ROBO1: variants seen among roughly 807,000 people sequenced by gnomAD.
The protein encoded by ROBO1 is roundabout guidance receptor 1.
ROBO1 carries 149 observed loss-of-function variants against 195.9 expected under a neutral mutation model. That is an observed-to-expected ratio of 0.76 (90% CI 0.67 to 0.87). The LOEUF (loss-of-function observed/expected upper bound fraction) is 0.87, where lower values mean the gene tolerates loss of function less well. ROBO1 is among the 40% of genes least tolerant of loss of function. The pLI is 0.00. For missense variants in ROBO1, 1,933 were observed against 2,068.3 expected, an observed-to-expected ratio of 0.93 and a Z score of 1.27; for synonymous variants, 816 against 733.2, an observed-to-expected ratio of 1.11 and a Z score of -1.82.
rs556780755 is a variant in ROBO1, at chr3:78,998,656, C to T, written c.173-59729G>A. On this transcript the variant is annotated intron_variant, in intron 3 of 30. Coordinates refer to ENST00000464233, the MANE Select transcript of ROBO1 (RefSeq NM_002941.4). The stretch of plus-strand genomic sequence containing the variant: ...GATTGATAGTCACCTGAAATCCCTT[C>T]CTGCTGACTATATTCTATCAGTTCT... Among the ~76,000 whole-genome samples, 24 of 152,174 alleles carry T rather than the reference C, an allele frequency of 1.6e-4. 1 individual carries two copies. The South Asian group carries it at 5.0e-3, about 32-fold the overall frequency.
chr3:79,694,141 A>G (rs1305034662), intron 1 of ROBO1, among the ~76,000 whole-genome samples: 1 of 151,836 alleles, frequency 6.6e-6, no homozygotes, highest in Non-Finnish European at 1.5e-5. Context: ...GTCTTCAGGA[A>G]AAAACAACAA....
chr3:79,273,205 C>A (rs767033534), intron 2 of ROBO1, among the ~76,000 whole-genome samples: 42 of 151,976 alleles, frequency 2.8e-4, no homozygotes, highest in Non-Finnish European at 5.6e-4. Context: ...TGACAGAAAA[C>A]CACTTAATAT....
chr3:79,666,465 A>T (rs1022444532), intron 1 of ROBO1, among the ~76,000 whole-genome samples: 1 of 151,852 alleles, frequency 6.6e-6, no homozygotes, highest in African/African-American at 2.4e-5. Context: ...CTGAAATCTC[A>T]TCTTGAATTG....
intron 4 of ROBO1, among the ~76,000 whole-genome samples, chr3:78,862,931 A>T (rs2107022649): frequency 6.6e-6 from 1 of 152,312 alleles, no homozygotes; most frequent in East Asian, 1.9e-4. Flanking sequence ...CAGCTTAGAA[A>T]TATCAAGGAC....
chr3:79,372,017 C>T (rs975408132), intron 2 of ROBO1, among the ~76,000 whole-genome samples: 1 of 152,028 alleles, frequency 6.6e-6, no homozygotes, highest in Non-Finnish European at 1.5e-5. Context: ...GTGCAGTTCA[C>T]AATAGGGTTT....
At chr3:79,520,686 C>T (rs1037354595) in intron 2 of ROBO1, among the ~76,000 whole-genome samples, 5 of 151,760 alleles carry the variant, frequency 3.3e-5, no homozygotes, top group Admixed American at 6.6e-5. Context: ...AGAGATTACA[C>T]GGATGATATA....
rs767959745 is a variant in ROBO1, at chr3:78,938,504, G to C, written c.499+97C>G. ...AAGCTAGAGTTTATCCTCAGGTAAG[G>C]CCTGAGATACAAATTCGACTTTTCA... On this transcript the variant is annotated intron_variant, in intron 4 of 30. Transcript: ENST00000464233. 16 of 980,100 alleles carry C rather than the reference G, an allele frequency of 1.6e-5. No homozygotes were observed. In the South Asian group the frequency reaches 2.0e-4, roughly 12 times the overall value. 60.7% of individuals were successfully genotyped at this position (980,100 alleles called of 1,614,324 possible). A position where few individuals can be genotyped will look rare whatever the true frequency, so the allele number is the denominator to read the frequency against.
At chr3:79,732,480 G>T (rs1392476591) in intron 1 of ROBO1, among the ~76,000 whole-genome samples, 1 of 152,084 alleles carries the variant, frequency 6.6e-6, no homozygotes, top group Non-Finnish European at 1.5e-5. Context: ...TTTCTTCCAT[G>T]ACTATATATA....
intron 4 of ROBO1, among the ~76,000 whole-genome samples, chr3:78,872,499 T>C (rs536890133): frequency 1.3e-5 from 2 of 152,346 alleles, no homozygotes; most frequent in South Asian, 4.1e-4. Flanking sequence ...TTTTTTTTAT[T>C]GTTACAAGGT....
At chr3:79,537,015 T>C (rs1363509676) in intron 2 of ROBO1, among the ~76,000 whole-genome samples, 1 of 144,392 alleles carries the variant, frequency 6.9e-6, no homozygotes, top group East Asian at 2.0e-4. Flanking sequence ...CTTTAACTTA[T>C]ACTCACAGTA....
At chr3:78,835,123 T>C (rs1253590363) in intron 4 of ROBO1, among the ~76,000 whole-genome samples, 1 of 152,150 alleles carries the variant, frequency 6.6e-6, no homozygotes, top group Admixed American at 6.6e-5. Flanking sequence ...ATCTAGTTTT[T>C]TCATTACTCA....
intron 8 of ROBO1, among the ~76,000 whole-genome samples, chr3:78,697,092 T>C (rs1195173091): frequency 1.3e-5 from 2 of 151,466 alleles, no homozygotes; most frequent in African/African-American, 4.9e-5. Context: ...CCATTTAGAA[T>C]AGAAGACTTT....
rs199867805 is a variant in ROBO1 at position 78,821,492 on chromosome 3, CA to C, written c.500-74593del. 7.1e-3 allele frequency among the ~76,000 whole-genome samples: 1,085 copies of C among 152,146 alleles called. 10 individuals carry two copies. The highest frequency in any genetic ancestry group is 0.013 in the Non-Finnish European group (860 of 67,986). On this transcript the variant is annotated intron_variant, in intron 4 of 30. Coordinates refer to ENST00000464233, the MANE Select transcript of ROBO1 (RefSeq NM_002941.4). Reference sequence around the variant, plus strand: ...ACTGATGTTTTATCTTATGACATCCCATCTGTGTAGTCACTTTTACCTGTTC... The same window carrying C: ...ACTGATGTTTTATCTTATGACATCCCTCTGTGTAGTCACTTTTACCTGTTC...
chr3:79,607,095 GCACACACACACACA>G (rs35692271), intron 1 of ROBO1, among the ~76,000 whole-genome samples: 4 of 140,044 alleles, frequency 2.9e-5, no homozygotes, highest in South Asian at 2.4e-4. Flanking sequence ...ATTAAAACCT[GCACACACACACACA>G]CACACACACA....
At chr3:79,749,004 G>A (rs1441627115) in intron 1 of ROBO1, among the ~76,000 whole-genome samples, 2 of 152,124 alleles carry the variant, frequency 1.3e-5, no homozygotes, top group African/African-American at 4.8e-5. Flanking sequence ...GGCAGAAGTT[G>A]GAATAGTTTG....
rs138363678 is a variant in ROBO1, at chr3:79,431,910, C to T, written c.88+157914G>A. 3.4e-3 allele frequency among the ~76,000 whole-genome samples: 522 copies of T among 152,092 alleles called. 2 individuals carry two copies. The highest frequency in any genetic ancestry group is 0.012 in the African/African-American group (499 of 41,530). ...AAATCACTCATTTTTCTAGCCTGCA[C>T]TGCTTGGGACTAAGGACAAAGTAAA... On this transcript the variant is annotated intron_variant, in intron 2 of 30. Transcript: ENST00000464233.
intron 2 of ROBO1, among the ~76,000 whole-genome samples, chr3:79,509,376 CT>C (rs1396666471): frequency 6.6e-6 from 1 of 151,878 alleles, no homozygotes. Context: ...AAATGTTTAC[CT>C]CAAACTTAAA....
intron 2 of ROBO1, among the ~76,000 whole-genome samples, chr3:79,146,490 A>C (rs1483049848): frequency 2.6e-5 from 4 of 152,000 alleles, no homozygotes; most frequent in Non-Finnish European, 5.9e-5. Flanking sequence ...TAGAATATAT[A>C]TATATCTCTA....
At chr3:78,799,825 T>A (rs1283592277) in intron 4 of ROBO1, among the ~76,000 whole-genome samples, 2 of 152,186 alleles carry the variant, frequency 1.3e-5, no homozygotes, top group African/African-American at 4.8e-5. Flanking sequence ...ACTCTCCTAA[T>A]GCCATGAATC....
Sources: allele counts gnomAD v4.1 joint callset (sites outside exome capture counted in the v4.1 genomes callset), GRCh38; gene constraint gnomAD v4.1.1; transcripts MANE v1.5; gene names NCBI Gene and HGNC (gene_info 2026-07-23, HGNC 2026-07-21).